PLCL1: variants seen among roughly 807,000 people sequenced by gnomAD.
The protein encoded by PLCL1 is inactive phospholipase C-like protein 1.
A neutral mutation model predicts 84.4 loss-of-function variants in PLCL1; 41 were observed. The observed-to-expected ratio is 0.49, with a 90% CI of 0.38 to 0.63. The LOEUF (loss-of-function observed/expected upper bound fraction) is 0.63. Ranked by LOEUF, PLCL1 falls within the 30% of genes least tolerant of loss-of-function variation. The pLI, the probability that PLCL1 is intolerant of heterozygous loss-of-function variation, is 0.00. For synonymous variants in PLCL1, 490 were observed against 488.3 expected (o/e 1.00, Z -0.05); for missense variants, 1,206 against 1,367.8 (o/e 0.88, Z 1.87).
chr2:197,848,529 G>A (rs1416603990), intron 1 of PLCL1, among the ~76,000 whole-genome samples: 4 of 152,174 alleles, frequency 2.6e-5, no homozygotes, highest in Non-Finnish European at 4.4e-5. Flanking sequence ...GTAGTTTGAT[G>A]TAAATGTGGG....
At chr2:198,094,535 A>G (rs889687418) in intron 3 of PLCL1, among the ~76,000 whole-genome samples, 3 of 152,210 alleles carry the variant, frequency 2.0e-5, no homozygotes, top group Non-Finnish European at 4.4e-5. Context: ...TACTTAAAGT[A>G]TACGTTTTCT....
At chr2:197,989,911 A>G (rs1690300918) in intron 1 of PLCL1, among the ~76,000 whole-genome samples, 1 of 152,186 alleles carries the variant, frequency 6.6e-6, no homozygotes, top group Non-Finnish European at 1.5e-5. Context: ...TACTTAGGAT[A>G]CACAGAGACT....
At chr2:198,026,874 G>C (rs1263037732) in intron 1 of PLCL1, among the ~76,000 whole-genome samples, 1 of 152,108 alleles carries the variant, frequency 6.6e-6, no homozygotes, top group African/African-American at 2.4e-5. Flanking sequence ...TACAAATATT[G>C]GCAAGGGTGT....
chr2:198,038,427 C>CAT (rs899001935), intron 1 of PLCL1, among the ~76,000 whole-genome samples: 40 of 151,932 alleles, frequency 2.6e-4, no homozygotes, highest in East Asian at 1.7e-3. Flanking sequence ...GGGAGTGGTC[C>CAT]ATATATATAT....
At chr2:197,934,081 T>C (rs1306731674) in intron 1 of PLCL1, among the ~76,000 whole-genome samples, 2 of 152,234 alleles carry the variant, frequency 1.3e-5, no homozygotes, top group Non-Finnish European at 2.9e-5. Flanking sequence ...ATGGCAACTG[T>C]CATTCAATAT....
chr2:197,817,891 T>A (rs1043251433), intron 1 of PLCL1, among the ~76,000 whole-genome samples: 3 of 152,098 alleles, frequency 2.0e-5, no homozygotes, highest in African/African-American at 4.8e-5. Context: ...TTATTTTTTT[T>A]AATTTTGATG....
chr2:197,924,117 C>T (rs1191572995), intron 1 of PLCL1, among the ~76,000 whole-genome samples: 2 of 129,898 alleles, frequency 1.5e-5, no homozygotes, highest in East Asian at 2.3e-4. Context: ...GCTTCGGCTC[C>T]GCATGAGAGG....
In PLCL1 at chr2:197,842,258, T is replaced by C. The variant is rs184459239; in HGVS notation, c.240+36919T>C. ...CTCATTCCAGTTTTGAGGAGAAAGG[T>C]TGAGCACACTTCTCCTTGATGCCTC... On this transcript the variant is annotated intron_variant, in intron 1 of 5. Coordinates refer to ENST00000428675, the MANE Select transcript of PLCL1 (RefSeq NM_006226.4). 4.5e-4 allele frequency among the ~76,000 whole-genome samples: 69 copies of C among 152,274 alleles called. 2 individuals are homozygous for C. The South Asian group carries it at 9.9e-3, about 22-fold the overall frequency.
intron 1 of PLCL1, among the ~76,000 whole-genome samples, chr2:198,003,605 A>G (rs1327200863): frequency 6.6e-6 from 1 of 152,188 alleles, no homozygotes; most frequent in African/African-American, 2.4e-5. Flanking sequence ...AACTTCTAGT[A>G]TTTCAGATAA....
chr2:197,930,929 A>C (rs1688918661), intron 1 of PLCL1, among the ~76,000 whole-genome samples: 2 of 152,162 alleles, frequency 1.3e-5, no homozygotes, highest in Non-Finnish European at 2.9e-5. Context: ...GGCTGCTAAA[A>C]GTGGTAGACA....
chr2:198,018,538 G>A (rs887742468), intron 1 of PLCL1, among the ~76,000 whole-genome samples: 1 of 152,162 alleles, frequency 6.6e-6, no homozygotes, highest in Admixed American at 6.5e-5. Flanking sequence ...ACTCTAGCTT[G>A]GAAGGGGGAG....
At chr2:197,989,718 C>T (rs991902119) in intron 1 of PLCL1, among the ~76,000 whole-genome samples, 6 of 150,244 alleles carry the variant, frequency 4.0e-5, no homozygotes, top group African/African-American at 1.5e-4. Context: ...CAAAACAAAA[C>T]AAAACAAAAA....
intron 1 of PLCL1, among the ~76,000 whole-genome samples, chr2:197,926,729 T>C (rs1396770002): frequency 6.6e-6 from 1 of 152,206 alleles, no homozygotes; most frequent in Non-Finnish European, 1.5e-5. Flanking sequence ...GGAAGCCTTC[T>C]GGTTATCAGT....
chr2:197,924,160 A>T (rs1207502997), intron 1 of PLCL1, among the ~76,000 whole-genome samples: 4 of 103,018 alleles, frequency 3.9e-5, no homozygotes, highest in Non-Finnish European at 8.2e-5. Context: ...GGAGAGGGAG[A>T]GGGAGAGGGA....
intron 1 of PLCL1, among the ~76,000 whole-genome samples, chr2:197,913,760 G>A (rs1688536259): frequency 6.6e-6 from 1 of 152,166 alleles, no homozygotes; most frequent in African/African-American, 2.4e-5. Context: ...CTTTTTACCA[G>A]AATCCTCCAA....
chr2:197,821,059 G>T (rs181445807), intron 1 of PLCL1, among the ~76,000 whole-genome samples: 1 of 152,212 alleles, frequency 6.6e-6, no homozygotes, highest in Admixed American at 6.5e-5. Context: ...TAAGGATCAC[G>T]GTGCTATAAC....
At chr2:197,950,592 C>T (rs1045197667) in intron 1 of PLCL1, among the ~76,000 whole-genome samples, 4 of 152,100 alleles carry the variant, frequency 2.6e-5, no homozygotes, top group African/African-American at 7.2e-5. Context: ...ATTGTAACTC[C>T]TAGAACCAGT....
At chr2:197,946,618 C>G (rs1351166855) in intron 1 of PLCL1, among the ~76,000 whole-genome samples, 3 of 152,096 alleles carry the variant, frequency 2.0e-5, no homozygotes, top group African/African-American at 7.2e-5. Flanking sequence ...AGAATATACT[C>G]TGGGGGCAGG....
At chr2:197,978,829 G>A (rs917907498) in intron 1 of PLCL1, among the ~76,000 whole-genome samples, 1 of 152,174 alleles carries the variant, frequency 6.6e-6, no homozygotes, top group African/African-American at 2.4e-5. Flanking sequence ...AGACACGCCA[G>A]TTCACCGAAG....
Sources: allele counts gnomAD v4.1 joint callset (sites outside exome capture counted in the v4.1 genomes callset), GRCh38; gene constraint gnomAD v4.1.1; transcripts MANE v1.5; gene names NCBI Gene and HGNC (gene_info 2026-07-23, HGNC 2026-07-21).